TENM2: variants seen among roughly 807,000 people sequenced by gnomAD.
The protein encoded by TENM2 is teneurin transmembrane protein 2.
TENM2 carries 52 observed loss-of-function variants against 245.2 expected under a neutral mutation model. The ratio of observed to expected loss-of-function variants is 0.21; its 90% CI spans 0.17 to 0.27. TENM2 has a LOEUF of 0.27. Among genes scored for constraint, TENM2 ranks in the 10% least tolerant of loss-of-function variants. The pLI is 1.00. For synonymous variants in TENM2, 1,363 were observed against 1,438.9 expected, an observed-to-expected ratio of 0.95 and a Z score of 1.19; for missense variants, 3,046 against 3,666.8, an observed-to-expected ratio of 0.83 and a Z score of 4.37.
chr5:167,052,160 A>C, the TENM2 span, among the ~76,000 whole-genome samples: 1 of 152,164 alleles, frequency 6.6e-6, no homozygotes, highest in African/African-American at 2.4e-5. Context: ...ATCATAAACT[A>C]CATCAATGAT....
chr5:167,095,030 A>G, the TENM2 span, among the ~76,000 whole-genome samples: 1 of 152,186 alleles, frequency 6.6e-6, no homozygotes, highest in Non-Finnish European at 1.5e-5. Context: ...GTATGGTTAG[A>G]AAAGTACATT....
At chr5:167,029,638 TA>T in the TENM2 span, among the ~76,000 whole-genome samples, 3 of 152,152 alleles carry the variant, frequency 2.0e-5, no homozygotes, top group Non-Finnish European at 4.4e-5. Flanking sequence ...AAAATTGGAA[TA>T]AAAATCCCTT....
At position 167,676,587 on chromosome 5, in the gene TENM2, G is replaced by A. The variant is rs77048747; in HGVS notation, c.503-199399G>A. Among the ~76,000 whole-genome samples the A allele has an allele frequency of 3.5e-3, 535 of 152,216 alleles. 15 individuals carry two copies. The highest frequency in any genetic ancestry group is 0.029 in the Admixed American group (438 of 15,262). Reference sequence around the variant, plus strand: ...ACATTTGTGTCTGCCCCAGAGAAGAGTGATCACGGTTAAGGGGTTTCATTC... The same window carrying A: ...ACATTTGTGTCTGCCCCAGAGAAGAATGATCACGGTTAAGGGGTTTCATTC... On this transcript the variant is annotated intron_variant, in intron 2 of 28. Coordinates refer to ENST00000518659, the Ensembl canonical transcript of TENM2.
Position 167,474,904 on chromosome 5 carries a change from A to G in TENM2, c.502+99431A>G, listed in dbSNP as rs559457056. Among the ~76,000 whole-genome samples, 7 of 152,300 alleles carry G rather than the reference A, an allele frequency of 4.6e-5. No individual in the cohort carries two copies. In the South Asian group the frequency reaches 1.5e-3, roughly 32 times the overall value. On this transcript the variant is annotated intron_variant, in intron 2 of 28. Transcript: ENST00000518659. ...AAGAACAAAATCTGGACTGTTTTCA[A>G]ATTTTGCCTTTCTTCATTTTTATTT...
At chr5:167,168,014 G>T in the TENM2 span, among the ~76,000 whole-genome samples, 116 of 152,236 alleles carry the variant, frequency 7.6e-4, no homozygotes, top group Admixed American at 6.4e-3. Flanking sequence ...TGGCTGCTTT[G>T]GGTATTTACT....
At chr5:168,211,172 A>G (rs989977886) in intron 19 of TENM2, among the ~76,000 whole-genome samples, 1 of 152,196 alleles carries the variant, frequency 6.6e-6, no homozygotes, top group Non-Finnish European at 1.5e-5. Flanking sequence ...TCAGGGTTCA[A>G]CAGCCTTTGC....
intron 2 of TENM2, among the ~76,000 whole-genome samples, chr5:167,784,975 T>G (rs934748869): frequency 6.0e-5 from 2 of 33,460 alleles, no homozygotes; most frequent in Admixed American, 2.5e-4. Context: ...GAATTAAGGT[T>G]TTTTTTTTTG....
chr5:167,916,944 T>C (rs1036852139), intron 3 of TENM2, among the ~76,000 whole-genome samples: 3 of 152,102 alleles, frequency 2.0e-5, no homozygotes, highest in Non-Finnish European at 4.4e-5. Flanking sequence ...GGGAGCTGCT[T>C]TGGGTTTCTC....
chr5:167,113,080 G>C, the TENM2 span, among the ~76,000 whole-genome samples: 1 of 152,186 alleles, frequency 6.6e-6, no homozygotes, highest in Middle Eastern at 3.2e-3. Flanking sequence ...TGCAGTTTCA[G>C]GTAAGAGTGT....
At chr5:167,859,397 G>A (rs1408533970) in intron 2 of TENM2, among the ~76,000 whole-genome samples, 29 of 128,194 alleles carry the variant, frequency 2.3e-4, no homozygotes, top group South Asian at 1.0e-3. Flanking sequence ...TCAGCCCCCC[G>A]CCCGGCCAGC....
chr5:168,174,682 G>C (rs550484112), intron 13 of TENM2, among the ~76,000 whole-genome samples: 1 of 152,174 alleles, frequency 6.6e-6, no homozygotes. Flanking sequence ...GGATTCCTCC[G>C]AGCGTGTCAG....
the TENM2 span, among the ~76,000 whole-genome samples, chr5:167,199,097 TAAAAAAA>T: frequency 3.8e-5 from 3 of 79,330 alleles, no homozygotes; most frequent in South Asian, 8.1e-4. Flanking sequence ...TGATATGAAG[TAAAAAAA>T]AAAAAAAAAA....
the TENM2 span, among the ~76,000 whole-genome samples, chr5:167,060,650 CA>C: frequency 0.47 from 47,436 of 101,540 alleles, 7,654 homozygotes; most frequent in Middle Eastern, 0.51. Flanking sequence ...GACCTTCTCT[CA>C]AAAAAAAAAA....
intron 2 of TENM2, among the ~76,000 whole-genome samples, chr5:167,521,139 C>A (rs1770726537): frequency 6.6e-6 from 1 of 151,576 alleles, no homozygotes; most frequent in Non-Finnish European, 1.5e-5. Context: ...CAACCATATG[C>A]CATGATACAT....
intron 2 of TENM2, among the ~76,000 whole-genome samples, chr5:167,611,281 A>G (rs1337910518): frequency 2.0e-5 from 3 of 152,088 alleles, no homozygotes; most frequent in Non-Finnish European, 4.4e-5. Context: ...ATGCTGCAAT[A>G]TATAAAACAG....
Position 167,816,050 on chromosome 5 carries a change from G to T in TENM2, c.503-59936G>T, listed in dbSNP as rs1244283542. ...TAGAATAACTCAGAAAGAGAGAGTT[G>T]CCCTGGAGAGTGGTTGCTAAAACAA... On this transcript the variant is annotated intron_variant, in intron 2 of 28. Coordinates refer to ENST00000518659, the Ensembl canonical transcript of TENM2. Among the ~76,000 whole-genome samples the T allele has an allele frequency of 2.0e-5, 3 of 151,688 alleles. 1 individual carries two copies. Among genetic ancestry groups the T allele is most frequent in the Non-Finnish European group, 1.5e-5 (1 of 67,908 alleles).
chr5:167,486,869 A>G (rs1052928501), intron 2 of TENM2, among the ~76,000 whole-genome samples: 1 of 152,208 alleles, frequency 6.6e-6, no homozygotes, highest in African/African-American at 2.4e-5. Context: ...ACACTTGTTT[A>G]TATTTTCTAT....
At chr5:167,121,488 A>G in the TENM2 span, among the ~76,000 whole-genome samples, 1 of 152,354 alleles carries the variant, frequency 6.6e-6, no homozygotes, top group Middle Eastern at 3.4e-3. Context: ...TGTTTGAGGA[A>G]TAGAAAGAAG....
the TENM2 span, among the ~76,000 whole-genome samples, chr5:167,266,182 T>C: frequency 6.6e-6 from 1 of 152,176 alleles, no homozygotes; most frequent in African/African-American, 2.4e-5. Flanking sequence ...TTGCGAATTG[T>C]CACTAATCAT....
Sources: allele counts gnomAD v4.1 joint callset (sites outside exome capture counted in the v4.1 genomes callset), GRCh38; gene constraint gnomAD v4.1.1; transcripts MANE v1.5; gene names NCBI Gene and HGNC (gene_info 2026-07-23, HGNC 2026-07-21).